The following FLCN variants were observed in gnomAD, a reference collection of about 807,000 sequenced individuals.
FLCN encodes folliculin.
A neutral mutation model predicts 62.5 loss-of-function variants in FLCN; 22 were observed. That is an observed-to-expected ratio of 0.35 (90% confidence interval 0.25 to 0.50). The LOEUF (loss-of-function observed/expected upper bound fraction) is 0.50, where lower values mean the gene tolerates loss of function less well. Among genes scored for constraint, FLCN ranks in the 20% least tolerant of loss-of-function variants. The pLI, the probability that FLCN is intolerant of heterozygous loss-of-function variation, is 0.97. For missense variants in FLCN, 657 were observed against 778.0 expected, an observed-to-expected ratio of 0.84 and a Z score of 1.85; for synonymous variants, 319 against 310.0, an observed-to-expected ratio of 1.03 and a Z score of -0.30.
intron 3 of FLCN, chr17:17,228,960 T>C (rs1365840247): frequency 6.6e-6 from 1 of 152,404 alleles, no homozygotes; most frequent in East Asian, 1.9e-4. Context: ...CTCATGCCCA[T>C]GTGCAGAAAA....
chr17:17,214,917 T>C, intron 13 of FLCN, 68 bp downstream of exon 13: 1 of 1,547,528 alleles, frequency 6.5e-7, no homozygotes, highest in Non-Finnish European at 8.9e-7. Flanking sequence ...CCAGCTCCTC[T>C]TTTGGAAACA....
In FLCN at chr17:17,212,476, A is replaced by T. The variant is rs540609895; in HGVS notation, c.*1179T>A. The stretch of plus-strand genomic sequence containing the variant: ...CGACATAGCAAGATGCCATCTCTTT[A>T]AAAAAAAAAAAAAAAAAAAAAAAAA... On this transcript the variant is annotated 3_prime_UTR_variant, in exon 14 of 14. Transcript: ENST00000285071. 0.013 allele frequency: 990 copies of T among 78,262 alleles called. 5 individuals carry two copies. The highest frequency in any genetic ancestry group is 0.052 in the African/African-American group (604 of 11,572). The allele number at this position is 78,262 out of a possible 1,614,324, so 4.8% of individuals were successfully genotyped here. A position where few individuals can be genotyped will look rare whatever the true frequency, so the allele number is the denominator to read the frequency against.
At chr17:17,224,330 C>T (rs900808315) in intron 5 of FLCN, 187 bp from the exon 6 acceptor site, 70 of 627,162 alleles carry the variant, frequency 1.1e-4, no homozygotes, top group African/African-American at 1.0e-3. Context: ...AAGCTTCCAA[C>T]AACACTTGTC....
intron 1 of FLCN, 67 bp downstream of exon 1, chr17:17,236,845 C>T (rs1421753233): frequency 1.3e-5 from 2 of 152,264 alleles, no homozygotes; most frequent in African/African-American, 4.8e-5. Context: ...TCCCCCATTA[C>T]TCGTCCACCT....
At position 17,226,505 on chromosome 17, in the gene FLCN, C is replaced by T. The variant is rs551061871; in HGVS notation, c.250-183G>A. ...AAAGAGGAAAACAGAACACAGAGATCGCAGAGATTGCCAGAGGTTGTTCCT... is the reference window on the plus strand; with the variant it reads ...AAAGAGGAAAACAGAACACAGAGATTGCAGAGATTGCCAGAGGTTGTTCCT... On this transcript the variant is annotated intron_variant, in intron 4 of 13. Coordinates refer to ENST00000285071, the MANE Select transcript of FLCN (RefSeq NM_144997.7). 1.1e-4 allele frequency among the ~76,000 whole-genome samples: 16 copies of T among 152,254 alleles called. No individual in the cohort carries two copies. In the South Asian group the frequency reaches 2.1e-3, roughly 20 times the overall value.
chr17:17,218,890 G>T, intron 9 of FLCN, 129 bp downstream of exon 9: 1 of 1,056,450 alleles, frequency 9.5e-7, no homozygotes, highest in Non-Finnish European at 1.4e-6. Flanking sequence ...GCCACCCACC[G>T]AGGAGGCTGT....
chr17:17,215,280 C>T lies in FLCN; in HGVS notation c.1337G>A (p.Arg446His), dbSNP rs750104212. Residue 446 changes from arginine (R) to histidine (H), a missense_variant, in exon 12 of 14, where the codon CGT becomes CAT. Arg to His is a conservative substitution (Grantham distance 29). Transcript: ENST00000285071. ...AVIVEVHAAA[R>H]STLHPVGCED... ...ACACCCCACAGGGTGGAGGGTGGAA[C>T]GTGCGGCTGCGTGGACCTCCACGAT... 26 of 1,614,134 alleles carry T rather than the reference C, an allele frequency of 1.6e-5. No homozygotes were observed. The highest frequency in any genetic ancestry group is 2.0e-5 in the Non-Finnish European group (24 of 1,180,032).
intron 8 of FLCN, 101 bp downstream of exon 8, chr17:17,221,436 C>T (rs888633327): frequency 9.3e-6 from 15 of 1,613,896 alleles, no homozygotes; most frequent in African/African-American, 1.3e-5. Context: ...GATTCAGAGC[C>T]GCGTTTCCCT....
chr17:17,214,308 C>G (rs2046840443), intron 13 of FLCN, among the ~76,000 whole-genome samples: 1 of 151,734 alleles, frequency 6.6e-6, no homozygotes, highest in Non-Finnish European at 1.5e-5. Flanking sequence ...AAAAAAAAAC[C>G]CGGGGGGCCA....
intron 6 of FLCN, chr17:17,222,997 G>C (rs1336616168): frequency 2.2e-5 from 9 of 402,030 alleles, no homozygotes; most frequent in Non-Finnish European, 3.3e-5. Flanking sequence ...GCACTACTTG[G>C]CTAAGGCACA....
chr17:17,236,567 A>G (rs757817055), intron 1 of FLCN, among the ~76,000 whole-genome samples: 6 of 151,962 alleles, frequency 3.9e-5, no homozygotes, highest in Non-Finnish European at 1.5e-5. Flanking sequence ...GCGGTCTTCC[A>G]CCCTCCCTGG....
chr17:17,215,273 G>C lies in FLCN; in HGVS notation c.1344C>G (p.Thr448=). The C allele has an allele frequency of 6.2e-7, 1 of 1,614,134 alleles. No homozygotes were observed. Among genetic ancestry groups the C allele is most frequent in the Non-Finnish European group, 8.5e-7 (1 of 1,180,026 alleles). The change falls in exon 12 of 14, where the codon ACC becomes ACG. Residue 448 remains threonine, a synonymous_variant. Coordinates refer to ENST00000285071, the MANE Select transcript of FLCN (RefSeq NM_144997.7). ...IVEVHAAARS[T]LHPVGCEDDQ... is the part of the protein sequence containing the mutation. ...CATCCTCACACCCCACAGGGTGGAG[G>C]GTGGAACGTGCGGCTGCGTGGACCT...
chr17:17,221,664 C>G, intron 7 of FLCN, 36 bp from the exon 8 acceptor site: 1 of 1,595,812 alleles, frequency 6.3e-7, no homozygotes. Context: ...GCGTTCTCGC[C>G]AAAGGAAAAA....
chr17:17,233,716 CTTTTTTTTT>C (rs34208211), intron 1 of FLCN, among the ~76,000 whole-genome samples: 2 of 63,930 alleles, frequency 3.1e-5, no homozygotes, highest in African/African-American at 6.2e-5. Context: ...CCCATCTTTC[CTTTTTTTTT>C]TTTTTTTTTT....
chr17:17,223,702 C>T (rs753473176), intron 6 of FLCN, among the ~76,000 whole-genome samples: 1 of 152,248 alleles, frequency 6.6e-6, no homozygotes, highest in Non-Finnish European at 1.5e-5. Flanking sequence ...GAGCGAGAAC[C>T]AGGACAACGG....
intron 11 of FLCN, among the ~76,000 whole-genome samples, chr17:17,215,717 T>C (rs2046898641): frequency 6.6e-6 from 1 of 152,144 alleles, no homozygotes; most frequent in African/African-American, 2.4e-5. Context: ...GTGTTTCCAA[T>C]GCTACCCGGA....
intron 2 of FLCN, 113 bp from the exon 3 acceptor site, chr17:17,231,995 G>A (rs2047437036): frequency 6.5e-6 from 1 of 153,098 alleles, no homozygotes; most frequent in South Asian, 2.1e-4. Context: ...GGCTGGCAGG[G>A]AATGGAGGGC....
At chr17:17,224,411 T>C (rs1325461176) in intron 5 of FLCN, 3 of 525,702 alleles carry the variant, frequency 5.7e-6, no homozygotes, top group African/African-American at 5.7e-5. Flanking sequence ...ATAACTCCCA[T>C]GCATATGTCA....
At chr17:17,223,550 CT>C (rs2047157475) in intron 6 of FLCN, among the ~76,000 whole-genome samples, 1 of 152,240 alleles carries the variant, frequency 6.6e-6, no homozygotes, top group South Asian at 2.1e-4. Context: ...ACGACCTGGC[CT>C]GGCCTGGCCT....
Sources: allele counts gnomAD v4.1 joint callset (sites outside exome capture counted in the v4.1 genomes callset), GRCh38; gene constraint gnomAD v4.1.1; transcripts MANE v1.5; gene names NCBI Gene and HGNC (gene_info 2026-07-23, HGNC 2026-07-21).